Variants in MSI2 observed in about 807,000 individuals in gnomAD.
The protein encoded by MSI2 is RNA-binding protein Musashi homolog 2.
In MSI2, 17 loss-of-function variants were observed where a neutral mutation model predicts 45.6. The observed-to-expected ratio is 0.37, with a 90% confidence interval of 0.26 to 0.56. MSI2 has a LOEUF of 0.56. Ranked by LOEUF, MSI2 falls within the 20% of genes least tolerant of loss-of-function variation. The pLI is 0.77. For synonymous variants in MSI2, 156 were observed against 158.2 expected (o/e 0.99, Z 0.11); for missense variants, 293 against 444.2 (o/e 0.66, Z 3.06).
chr17:57,311,143 C>T (rs534335324), intron 5 of MSI2, among the ~76,000 whole-genome samples: 4 of 152,284 alleles, frequency 2.6e-5, no homozygotes, highest in East Asian at 1.9e-4. Flanking sequence ...ATTGGGCTTT[C>T]GGGTCCATCC....
intron 6 of MSI2, among the ~76,000 whole-genome samples, chr17:57,516,797 G>A (rs763741920): frequency 3.3e-5 from 5 of 152,198 alleles, no homozygotes; most frequent in Non-Finnish European, 5.9e-5. Context: ...AAGATCATGC[G>A]TAAGTGGAAA....
chr17:57,274,565 G>A (rs1421119832), intron 5 of MSI2: 1 of 152,236 alleles, frequency 6.6e-6, no homozygotes, highest in Non-Finnish European at 1.5e-5. Context: ...TAAGTGCTCC[G>A]TGCCTGCCTT....
intron 6 of MSI2, among the ~76,000 whole-genome samples, chr17:57,502,616 T>TATATATATATATA: frequency 8.6e-6 from 1 of 115,986 alleles, no homozygotes; most frequent in East Asian, 2.6e-4. Context: ...TATATATATA[T>TATATATATATATA]ATATATATAT....
At chr17:57,496,022 G>A (rs888752605) in intron 6 of MSI2, among the ~76,000 whole-genome samples, 2 of 152,200 alleles carry the variant, frequency 1.3e-5, no homozygotes, top group African/African-American at 2.4e-5. Flanking sequence ...ATACTTGAAT[G>A]ATACTAGAAT....
intron 6 of MSI2, among the ~76,000 whole-genome samples, chr17:57,513,001 TCTCA>T (rs2086391434): frequency 8.1e-6 from 1 of 124,090 alleles, no homozygotes. Context: ...TGAGACAGAG[TCTCA>T]CTCTGTCTCC....
In MSI2 at chr17:57,587,125, C is replaced by A. The variant is rs556775542; in HGVS notation, c.455-9743C>A. 2.0e-5 allele frequency among the ~76,000 whole-genome samples: 3 copies of A among 152,280 alleles called. 1 individual carries two copies. Among genetic ancestry groups the A allele is most frequent in the African/African-American group, 7.2e-5 (3 of 41,558 alleles). ...ACAAGCCCTTCCCCCATGAGAGATT[C>A]TGCTGCAGGACCATACCCAGAAGCA... On this transcript the variant is annotated intron_variant, in intron 7 of 13. Transcript: ENST00000284073.
intron 6 of MSI2, among the ~76,000 whole-genome samples, chr17:57,507,185 G>GGA (rs2086249507): frequency 7.1e-6 from 1 of 141,474 alleles, no homozygotes; most frequent in African/African-American, 2.7e-5. Flanking sequence ...TGGGGGGGGG[G>GGA]GGTGTAAATC....
intron 5 of MSI2, among the ~76,000 whole-genome samples, chr17:57,381,224 C>G (rs966425163): frequency 1.3e-5 from 2 of 152,044 alleles, no homozygotes; most frequent in East Asian, 3.9e-4. Context: ...TACCACCACA[C>G]CTGGCTAATT....
chr17:57,450,515 T>C (rs1050231107), intron 6 of MSI2, among the ~76,000 whole-genome samples: 1 of 150,948 alleles, frequency 6.6e-6, no homozygotes, highest in Non-Finnish European at 1.5e-5. Context: ...TGTAAAAATA[T>C]AAAAATTATC....
chr17:57,309,007 A>G (rs1427570269), intron 5 of MSI2, among the ~76,000 whole-genome samples: 1 of 152,026 alleles, frequency 6.6e-6, no homozygotes, highest in African/African-American at 2.4e-5. Flanking sequence ...GGCTGCCTGT[A>G]TTTTCATCAG....
chr17:57,463,870 G>A (rs563965980), intron 6 of MSI2, among the ~76,000 whole-genome samples: 15 of 152,038 alleles, frequency 9.9e-5, no homozygotes, highest in Non-Finnish European at 1.9e-4. Context: ...TCATTTGTTC[G>A]ACACTTTCTG....
intron 6 of MSI2, among the ~76,000 whole-genome samples, chr17:57,425,669 A>G (rs2143332407): frequency 6.6e-6 from 1 of 152,362 alleles, no homozygotes; most frequent in African/African-American, 2.4e-5. Flanking sequence ...CAGTATCATT[A>G]TGATCATTGT....
chr17:57,671,984 C>A (rs1364295470), intron 11 of MSI2, among the ~76,000 whole-genome samples: 1 of 152,196 alleles, frequency 6.6e-6, no homozygotes, highest in Non-Finnish European at 1.5e-5. Flanking sequence ...CTCTTCCATG[C>A]GCCCAGCCCT....
chr17:57,518,341 CGT>C (rs1362928832), intron 6 of MSI2, among the ~76,000 whole-genome samples: 1 of 152,290 alleles, frequency 6.6e-6, no homozygotes, highest in South Asian at 2.1e-4. Flanking sequence ...CCTCCCCAGG[CGT>C]ATGGCTGCAG....
At chr17:57,565,305 C>T (rs934883620) in intron 7 of MSI2, among the ~76,000 whole-genome samples, 4 of 152,192 alleles carry the variant, frequency 2.6e-5, no homozygotes, top group Non-Finnish European at 5.9e-5. Flanking sequence ...GAATTCGGTT[C>T]CAGCCGGCCT....
intron 5 of MSI2, among the ~76,000 whole-genome samples, chr17:57,310,451 A>C (rs2143600587): frequency 6.6e-6 from 1 of 151,838 alleles, no homozygotes; most frequent in East Asian, 1.9e-4. Context: ...CTCCTGCCTC[A>C]GCCTCCCAAG....
intron 5 of MSI2, among the ~76,000 whole-genome samples, chr17:57,399,056 G>A (rs2083940952): frequency 6.6e-6 from 1 of 152,166 alleles, no homozygotes. Context: ...TTTAAATCTG[G>A]AAAGGGCTTG....
chr17:57,567,322 G>A (rs1056966095), intron 7 of MSI2, among the ~76,000 whole-genome samples: 1 of 152,154 alleles, frequency 6.6e-6, no homozygotes, highest in Non-Finnish European at 1.5e-5. Context: ...GTAGCTTTTT[G>A]TATTCAATTT....
intron 6 of MSI2, among the ~76,000 whole-genome samples, chr17:57,455,053 T>C (rs2085087058): frequency 6.6e-6 from 1 of 152,232 alleles, no homozygotes; most frequent in Admixed American, 6.5e-5. Flanking sequence ...ACCCACCTTA[T>C]GAAGTTCTTA....
Sources: gnomAD v4.1 joint callset for allele counts (sites outside exome capture counted in the v4.1 genomes callset) on GRCh38, gnomAD v4.1.1 for gene constraint, MANE v1.5 for transcripts, NCBI Gene and HGNC (gene_info 2026-07-23, HGNC 2026-07-21) for gene names.